The following AFF3 variants were observed in gnomAD, a reference collection of about 807,000 sequenced individuals.
The protein encoded by AFF3 is ALF transcription elongation factor 3, also known as AF4/FMR2 family member 3.
AFF3 carries 32 observed loss-of-function variants against 129.7 expected under a neutral mutation model. The ratio of observed to expected loss-of-function variants is 0.25; its 90% CI spans 0.19 to 0.33. The LOEUF is 0.33. Ranked by LOEUF, AFF3 falls within the 10% of genes least tolerant of loss-of-function variation. The pLI, the probability that AFF3 is intolerant of heterozygous loss-of-function variation, is 1.00. For synonymous variants in AFF3, 644 were observed against 635.4 expected (o/e 1.01, Z -0.20); for missense variants, 1,373 against 1,592.0 (o/e 0.86, Z 2.34).
chr2:100,044,798 T>G (rs1685701911), intron 4 of AFF3, among the ~76,000 whole-genome samples: 1 of 152,018 alleles, frequency 6.6e-6, no homozygotes, highest in African/African-American at 2.4e-5. Flanking sequence ...TGTACAACAG[T>G]ACTGTCCGTT....
intron 15 of AFF3, among the ~76,000 whole-genome samples, chr2:99,592,937 C>CT (rs1553394567): frequency 2.6e-4 from 23 of 88,504 alleles, no homozygotes; most frequent in African/African-American, 9.5e-4. Context: ...CTCCCTCCCC[C>CT]CCCCCCAAAA....
chr2:99,573,692 C>A (rs1456029259), intron 18 of AFF3, among the ~76,000 whole-genome samples: 1 of 152,206 alleles, frequency 6.6e-6, no homozygotes, highest in African/African-American at 2.4e-5. Context: ...ATTTCACATG[C>A]CATGGCCTTC....
At chr2:99,718,960 C>G (rs1016838630) in intron 11 of AFF3, among the ~76,000 whole-genome samples, 1 of 151,634 alleles carries the variant, frequency 6.6e-6, no homozygotes, top group Non-Finnish European at 1.5e-5. Flanking sequence ...CCGTGTTAAG[C>G]CAGGATGGTC....
intron 8 of AFF3, among the ~76,000 whole-genome samples, chr2:99,779,545 A>T (rs143160680): frequency 1.1e-4 from 16 of 152,280 alleles, no homozygotes; most frequent in African/African-American, 3.9e-4. Context: ...ATTTTTGTGT[A>T]TTTAGAGGGT....
intron 7 of AFF3, among the ~76,000 whole-genome samples, chr2:99,972,530 C>A (rs1284036909): frequency 6.6e-6 from 1 of 152,206 alleles, no homozygotes; most frequent in African/African-American, 2.4e-5. Context: ...CTTTTCATCA[C>A]AGATAGTATT....
At chr2:99,807,452 C>A (rs1282635661) in intron 8 of AFF3, among the ~76,000 whole-genome samples, 1 of 152,130 alleles carries the variant, frequency 6.6e-6, no homozygotes, top group African/African-American at 2.4e-5. Context: ...GACCATTTGG[C>A]TTTCTGATAT....
At chr2:99,716,980 A>G (rs62156497) in intron 11 of AFF3, among the ~76,000 whole-genome samples, 2,823 of 152,222 alleles carry the variant, frequency 0.019, 39 homozygotes, top group Non-Finnish European at 0.028. Flanking sequence ...TGAACTTCAC[A>G]TAAAGCAAAT....
At chr2:99,987,160 T>C (rs1679947683) in intron 7 of AFF3, among the ~76,000 whole-genome samples, 1 of 152,166 alleles carries the variant, frequency 6.6e-6, no homozygotes, top group Non-Finnish European at 1.5e-5. Flanking sequence ...ACCTCACCCT[T>C]TGGGTTTGTT....
intron 11 of AFF3, among the ~76,000 whole-genome samples, chr2:99,689,656 CAAAAAAAAAAAAAAA>C (rs60965683): frequency 1.7e-5 from 1 of 57,286 alleles, no homozygotes; most frequent in Non-Finnish European, 3.0e-5. Flanking sequence ...TATTTAATTG[CAAAAAAAAAAAAAAA>C]AAAAAAAAAA....
chr2:99,810,434 C>A (rs1330413076), intron 8 of AFF3, among the ~76,000 whole-genome samples: 1 of 152,228 alleles, frequency 6.6e-6, no homozygotes, highest in Non-Finnish European at 1.5e-5. Flanking sequence ...GGGCACAGAG[C>A]AATAAACCTA....
chr2:99,969,701 C>G (rs1678163989), intron 7 of AFF3, among the ~76,000 whole-genome samples: 1 of 151,974 alleles, frequency 6.6e-6, no homozygotes, highest in African/African-American at 2.4e-5. Context: ...TGGGGTTTCA[C>G]CATGTTGGCC....
intron 8 of AFF3, among the ~76,000 whole-genome samples, chr2:99,827,825 C>T (rs1688205930): frequency 6.6e-6 from 1 of 151,948 alleles, no homozygotes; most frequent in Non-Finnish European, 1.5e-5. Flanking sequence ...TTCAGTAGTG[C>T]CTGTTTCACT....
chr2:99,860,709 G>C (rs1019567990), intron 7 of AFF3, among the ~76,000 whole-genome samples: 1 of 149,700 alleles, frequency 6.7e-6, no homozygotes, highest in Non-Finnish European at 1.5e-5. Flanking sequence ...TGGGCAACAA[G>C]AGTAAAACTC....
chr2:100,024,464 C>T (rs1196217970), intron 4 of AFF3, among the ~76,000 whole-genome samples: 1 of 150,826 alleles, frequency 6.6e-6, no homozygotes, highest in African/African-American at 2.4e-5. Context: ...CAAAATTAGC[C>T]GGGCATGGTG....
chr2:99,737,956 CTATTA>C (rs762675886), intron 10 of AFF3, among the ~76,000 whole-genome samples: 5 of 123,948 alleles, frequency 4.0e-5, no homozygotes, highest in East Asian at 2.4e-4. Flanking sequence ...ATTCTAATTC[CTATTA>C]TATTATTTTA....
At chr2:99,869,993 TGTG>T (rs923860472) in intron 7 of AFF3, among the ~76,000 whole-genome samples, 1 of 152,232 alleles carries the variant, frequency 6.6e-6, no homozygotes, top group Admixed American at 6.5e-5. Flanking sequence ...GCTGTGCACC[TGTG>T]TTTCCTTAAC....
At chr2:99,978,014 T>C (rs555504655) in intron 7 of AFF3, among the ~76,000 whole-genome samples, 1 of 152,316 alleles carries the variant, frequency 6.6e-6, no homozygotes, top group African/African-American at 2.4e-5. Context: ...TGTCCTTACA[T>C]GTCCACTCCA....
At chr2:99,787,226 G>T (rs571164802) in intron 8 of AFF3, among the ~76,000 whole-genome samples, 1 of 152,106 alleles carries the variant, frequency 6.6e-6, no homozygotes, top group Admixed American at 6.5e-5. Flanking sequence ...AGAAGTGCTC[G>T]TTGGGTCATA....
intron 8 of AFF3, among the ~76,000 whole-genome samples, chr2:99,782,274 A>T (rs932355988): frequency 6.6e-6 from 1 of 152,232 alleles, no homozygotes; most frequent in Admixed American, 6.5e-5. Flanking sequence ...AAACATCTGT[A>T]AATGCTAGTG....
Sources: gnomAD v4.1 joint callset for allele counts (sites outside exome capture counted in the v4.1 genomes callset) on GRCh38, gnomAD v4.1.1 for gene constraint, MANE v1.5 for transcripts, NCBI Gene and HGNC (gene_info 2026-07-23, HGNC 2026-07-21) for gene names.